TENM3: variants seen among roughly 807,000 people sequenced by gnomAD.
TENM3 encodes the protein teneurin transmembrane protein 3.
In TENM3, 63 loss-of-function variants were observed where a neutral mutation model predicts 255.1. The ratio of observed to expected loss-of-function variants is 0.25; its 90% confidence interval spans 0.20 to 0.30. TENM3 has a LOEUF of 0.30. Ranked by LOEUF, TENM3 falls within the 10% of genes least tolerant of loss-of-function variation. The pLI, the probability that TENM3 is intolerant of heterozygous loss-of-function variation, is 1.00. For missense variants in TENM3, 2,929 were observed against 3,461.1 expected (o/e 0.85, Z 3.86); for synonymous variants, 1,306 against 1,322.3 (o/e 0.99, Z 0.27).
At chr4:181,735,792 T>C in the TENM3 span, among the ~76,000 whole-genome samples, 1 of 152,196 alleles carries the variant, frequency 6.6e-6, no homozygotes, top group Non-Finnish European at 1.5e-5. Context: ...TTAGTATCTG[T>C]ACAGTTTGCT....
the TENM3 span, among the ~76,000 whole-genome samples, chr4:181,598,090 C>A: frequency 6.6e-6 from 1 of 152,160 alleles, no homozygotes; most frequent in East Asian, 1.9e-4. Context: ...ACCGGACAGA[C>A]ATTTGGAAAT....
At chr4:181,719,149 T>C in the TENM3 span, among the ~76,000 whole-genome samples, 2 of 151,540 alleles carry the variant, frequency 1.3e-5, no homozygotes, top group Non-Finnish European at 2.9e-5. Context: ...GAGCTTGCAG[T>C]GAGCCGAGAT....
chr4:182,383,961 T>C (rs538027697), intron 3 of TENM3, among the ~76,000 whole-genome samples: 3 of 152,346 alleles, frequency 2.0e-5, no homozygotes, highest in South Asian at 2.1e-4. Context: ...TTTCTGTGCA[T>C]GCACAGTGTA....
intron 1 of TENM3, among the ~76,000 whole-genome samples, chr4:182,173,122 C>G (rs956957201): frequency 1.4e-4 from 22 of 152,190 alleles, no homozygotes; most frequent in African/African-American, 5.1e-4. Context: ...TTTTATGTTT[C>G]TGTCAAATGG....
the TENM3 span, among the ~76,000 whole-genome samples, chr4:181,969,501 A>C: frequency 6.6e-6 from 1 of 152,100 alleles, no homozygotes; most frequent in Non-Finnish European, 1.5e-5. Flanking sequence ...TTGCCACCGC[A>C]ATATGCATGA....
At chr4:182,013,041 G>T in the TENM3 span, among the ~76,000 whole-genome samples, 1 of 151,932 alleles carries the variant, frequency 6.6e-6, no homozygotes, top group South Asian at 2.1e-4. Flanking sequence ...AAAAACCCCT[G>T]CCATCAATTT....
intron 3 of TENM3, among the ~76,000 whole-genome samples, chr4:182,390,094 C>T (rs1018651161): frequency 6.6e-6 from 1 of 152,104 alleles, no homozygotes; most frequent in African/African-American, 2.4e-5. Flanking sequence ...ACTGTATTAG[C>T]GTTAAACTTT....
intron 4 of TENM3, among the ~76,000 whole-genome samples, chr4:182,624,975 G>A (rs1750682519): frequency 6.6e-6 from 1 of 152,186 alleles, no homozygotes; most frequent in African/African-American, 2.4e-5. Context: ...GGGTGGTCAA[G>A]TAGTAACGTC....
At chr4:182,614,471 TTTATTACTGACTTA>T in intron 4 of TENM3, among the ~76,000 whole-genome samples, 2 of 152,280 alleles carry the variant, frequency 1.3e-5, no homozygotes, top group South Asian at 4.1e-4. Context: ...TGAATTTTAG[TTTATTACTGACTTA>T]CTATGAGTAT....
At chr4:182,636,876 A>G (rs1447308532) in intron 5 of TENM3, among the ~76,000 whole-genome samples, 1 of 152,216 alleles carries the variant, frequency 6.6e-6, no homozygotes, top group Admixed American at 6.5e-5. Context: ...CTAGATATAA[A>G]TATCTTATTC....
At chr4:182,176,691 G>A (rs1003252508) in intron 1 of TENM3, among the ~76,000 whole-genome samples, 13 of 151,050 alleles carry the variant, frequency 8.6e-5, no homozygotes, top group African/African-American at 1.5e-4. Flanking sequence ...TTTTTGAGAC[G>A]GAGTCTCACT....
At chr4:182,725,058 GT>G (rs34100362) in intron 13 of TENM3, among the ~76,000 whole-genome samples, 59 of 145,240 alleles carry the variant, frequency 4.1e-4, no homozygotes, top group Admixed American at 6.2e-4. Context: ...GTTGTTTTGG[GT>G]TTTTTTTTTT....
chr4:181,957,614 G>T, the TENM3 span, among the ~76,000 whole-genome samples: 2 of 152,072 alleles, frequency 1.3e-5, no homozygotes, highest in Non-Finnish European at 2.9e-5. Flanking sequence ...ATTTATCATT[G>T]CTGTGAACTA....
chr4:181,942,140 T>TCTCTGC, the TENM3 span, among the ~76,000 whole-genome samples: 1 of 152,136 alleles, frequency 6.6e-6, no homozygotes, highest in Non-Finnish European at 1.5e-5. Context: ...CACTTCCTAA[T>TCTCTGC]CTCTGCGTGC....
chr4:181,998,788 T>C, the TENM3 span, among the ~76,000 whole-genome samples: 1 of 152,134 alleles, frequency 6.6e-6, no homozygotes, highest in East Asian at 1.9e-4. Context: ...TGACAAAGCC[T>C]TGGGCCCCCT....
At chr4:182,200,826 C>CTTT (rs11389090) in intron 1 of TENM3, among the ~76,000 whole-genome samples, 25 of 135,360 alleles carry the variant, frequency 1.8e-4, no homozygotes, top group African/African-American at 4.9e-4. Flanking sequence ...ACTAGAGTGC[C>CTTT]TTTTTTTTTT....
At chr4:181,959,823 A>G in the TENM3 span, among the ~76,000 whole-genome samples, 2 of 152,226 alleles carry the variant, frequency 1.3e-5, no homozygotes, top group Non-Finnish European at 2.9e-5. Context: ...TGTGAGTCAC[A>G]TACCACTTAA....
At chr4:182,588,812 A>T (rs1173412139) in intron 3 of TENM3, among the ~76,000 whole-genome samples, 2 of 152,230 alleles carry the variant, frequency 1.3e-5, no homozygotes, top group African/African-American at 2.4e-5. Flanking sequence ...GGTTGACAAG[A>T]TAAACTACTT....
chr4:182,540,482 G>A (rs1427496562), intron 3 of TENM3, among the ~76,000 whole-genome samples: 1 of 152,140 alleles, frequency 6.6e-6, no homozygotes, highest in Non-Finnish European at 1.5e-5. Context: ...CCAGCTACGG[G>A]AGGCGGAGGC....
Sources: allele counts gnomAD v4.1 joint callset (sites outside exome capture counted in the v4.1 genomes callset), GRCh38; gene constraint gnomAD v4.1.1; transcripts MANE v1.5; gene names NCBI Gene and HGNC (gene_info 2026-07-23, HGNC 2026-07-21).